Variants in DMXL2 observed in about 807,000 individuals in gnomAD.
DMXL2 encodes the protein dmX-like protein 2.
DMXL2 carries 103 observed loss-of-function variants against 331.1 expected under a neutral mutation model. The ratio of observed to expected loss-of-function variants is 0.31; its 90% CI spans 0.27 to 0.37. DMXL2 has a LOEUF of 0.37. Among genes scored for constraint, DMXL2 ranks in the 10% least tolerant of loss-of-function variants. The pLI is 1.00. For missense variants in DMXL2, 3,171 were observed against 3,642.9 expected, an observed-to-expected ratio of 0.87 and a Z score of 3.33; for synonymous variants, 1,281 against 1,252.1, an observed-to-expected ratio of 1.02 and a Z score of -0.49.
chr15:51,516,407 T>C (rs2047038436), intron 14 of DMXL2, among the ~76,000 whole-genome samples: 1 of 152,210 alleles, frequency 6.6e-6, no homozygotes, highest in Non-Finnish European at 1.5e-5. Flanking sequence ...TTAAAGGACC[T>C]CACAAAAGTA....
intron 2 of DMXL2, among the ~76,000 whole-genome samples, chr15:51,569,334 C>G (rs1245734856): frequency 2.0e-5 from 3 of 152,208 alleles, no homozygotes; most frequent in African/African-American, 4.8e-5. Flanking sequence ...GAAGTTTGAA[C>G]TGGGTGGAGC....
At chr15:51,566,434 TA>T (rs1309577044) in intron 3 of DMXL2, among the ~76,000 whole-genome samples, 1 of 152,186 alleles carries the variant, frequency 6.6e-6, no homozygotes, top group Non-Finnish European at 1.5e-5. Context: ...GTGTAGTAAT[TA>T]AATAATTCCT....
chr15:51,458,352 A>C (rs551323527), intron 36 of DMXL2, among the ~76,000 whole-genome samples, 154 bp downstream of exon 36: 2 of 152,232 alleles, frequency 1.3e-5, no homozygotes, highest in African/African-American at 4.8e-5. Context: ...ATGTAGACAA[A>C]GACTTTCACT....
At chr15:51,563,145 C>T (rs1051090710) in intron 6 of DMXL2, among the ~76,000 whole-genome samples, 8 of 151,032 alleles carry the variant, frequency 5.3e-5, no homozygotes, top group East Asian at 1.9e-4. Context: ...TTTTTAAAAA[C>T]GCAAATAAGC....
chr15:51,559,571 CTT>C (rs1421701974), intron 6 of DMXL2, among the ~76,000 whole-genome samples: 1 of 151,802 alleles, frequency 6.6e-6, no homozygotes. Flanking sequence ...ATAGATAAAA[CTT>C]AGCCAGCCAT....
At chr15:51,487,838 T>G in intron 22 of DMXL2, 116 bp downstream of exon 22, 1 of 839,212 alleles carries the variant, frequency 1.2e-6, no homozygotes, top group African/African-American at 1.8e-5. Flanking sequence ...TACAGCAACC[T>G]CTGTAGTTAT....
chr15:51,583,175 T>C (rs2051586257), intron 1 of DMXL2, among the ~76,000 whole-genome samples: 1 of 122,672 alleles, frequency 8.2e-6, no homozygotes, highest in African/African-American at 3.1e-5. Flanking sequence ...GTGCACATTG[T>C]GCAGGTTAGT....
In DMXL2 at chr15:51,547,305, A is replaced by T. The variant is rs745462018; in HGVS notation, c.671T>A (p.Phe224Tyr). The change falls in exon 7 of 44, where the codon TTT (phenylalanine) becomes TAT (tyrosine). Residue 224 changes from phenylalanine (F) to tyrosine (Y), a missense_variant. Transcript: ENST00000560891. ...EVKRRQSSTQ[F>Y]SFVYLAHPRA... is the part of the protein sequence containing the mutation. ...GGGATGTGCCAAGTAAACAAAAGAA[A>T]ATTGAGTAGAGGACTGTCTCCTTTT... is the stretch of plus-strand genomic sequence containing the variant. 5 of 1,613,242 alleles carry T rather than the reference A, an allele frequency of 3.1e-6. No homozygotes were observed. In the South Asian group the frequency reaches 5.5e-5, roughly 18 times the overall value.
chr15:51,504,390 A>G (rs901182401), intron 16 of DMXL2, among the ~76,000 whole-genome samples: 2 of 152,236 alleles, frequency 1.3e-5, no homozygotes. Flanking sequence ...AATTTAAGAT[A>G]GTATTAGTTG....
At chr15:51,574,723 T>C (rs928021515) in intron 2 of DMXL2, among the ~76,000 whole-genome samples, 2 of 152,230 alleles carry the variant, frequency 1.3e-5, no homozygotes, top group African/African-American at 2.4e-5. Context: ...AAAGATATTA[T>C]AATTTTGCCT....
At chr15:51,547,598 T>C (rs2048958728) in intron 6 of DMXL2, among the ~76,000 whole-genome samples, 190 bp from the exon 7 acceptor site, 1 of 152,142 alleles carries the variant, frequency 6.6e-6, no homozygotes, top group African/African-American at 2.4e-5. Flanking sequence ...GAACAGTCTA[T>C]TCATTATCAA....
intron 1 of DMXL2, among the ~76,000 whole-genome samples, chr15:51,585,487 G>T (rs2051741428): frequency 6.6e-6 from 1 of 151,938 alleles, no homozygotes; most frequent in Non-Finnish European, 1.5e-5. Flanking sequence ...AATTTTGGTT[G>T]TTTCCAGTCT....
chr15:51,494,851 C>T (rs1161037957), intron 19 of DMXL2, among the ~76,000 whole-genome samples, 173 bp downstream of exon 19: 1 of 152,092 alleles, frequency 6.6e-6, no homozygotes, highest in Non-Finnish European at 1.5e-5. Context: ...CAGAATAGAG[C>T]TGAAGGATAC....
At chr15:51,606,406 G>A (rs1008830079) in intron 1 of DMXL2, among the ~76,000 whole-genome samples, 1 of 152,118 alleles carries the variant, frequency 6.6e-6, no homozygotes, top group Non-Finnish European at 1.5e-5. Flanking sequence ...AGTTGACCAG[G>A]CTGGTCTCGA....
intron 29 of DMXL2, among the ~76,000 whole-genome samples, chr15:51,469,350 T>G (rs2140297203): frequency 6.6e-6 from 1 of 152,326 alleles, no homozygotes; most frequent in East Asian, 1.9e-4. Context: ...GATAAAAGAT[T>G]CATATGCTAT....
intron 17 of DMXL2, 67 bp from the exon 18 acceptor site, chr15:51,500,298 T>C (rs2043495912): frequency 7.0e-7 from 1 of 1,427,146 alleles, no homozygotes; most frequent in Non-Finnish European, 9.4e-7. Context: ...ATGGTAGTAA[T>C]CAAATTCTGG....
chr15:51,610,758 A>T (rs1363629204), intron 1 of DMXL2, among the ~76,000 whole-genome samples: 2 of 137,736 alleles, frequency 1.5e-5, no homozygotes, highest in Admixed American at 7.5e-5. Flanking sequence ...ACAGAGCGAG[A>T]CTCCATCTCA....
At position 51,622,731 on chromosome 15, in the gene DMXL2, G is replaced by A. The variant is rs1317357222; in HGVS notation, c.-186C>T. The stretch of plus-strand genomic sequence containing the variant: ...CTCGTCCCTGCCATGGGAGCTCCTC[G>A]ACCGCCGCCGCCGCCCGGGTCGCCG... On this transcript the variant is annotated 5_prime_UTR_variant, in exon 1 of 44. Transcript: ENST00000560891. 1.7e-6 allele frequency: 2 copies of A among 1,174,832 alleles called. No homozygotes were observed. Among genetic ancestry groups the A allele is most frequent in the East Asian group, 2.9e-5 (1 of 34,264 alleles). 72.8% of individuals were successfully genotyped at this position (1,174,832 alleles called of 1,614,324 possible). A position where few individuals can be genotyped will look rare whatever the true frequency, so the allele number is the denominator to read the frequency against.
intron 28 of DMXL2, among the ~76,000 whole-genome samples, chr15:51,473,088 G>C (rs140620443): frequency 6.6e-6 from 1 of 152,252 alleles, no homozygotes; most frequent in African/African-American, 2.4e-5. Flanking sequence ...CATCTGCCTG[G>C]AATGCTCTGG....
Sources: allele counts gnomAD v4.1 joint callset (sites outside exome capture counted in the v4.1 genomes callset), GRCh38; gene constraint gnomAD v4.1.1; transcripts MANE v1.5; gene names NCBI Gene and HGNC (gene_info 2026-07-23, HGNC 2026-07-21).